Variants in RFWD3 observed in about 807,000 individuals in gnomAD.
The protein encoded by RFWD3 is E3 ubiquitin-protein ligase RFWD3.
Under a neutral mutation model 87.7 loss-of-function variants are expected in RFWD3, and 65 were observed. The observed-to-expected ratio is 0.74, with a 90% CI of 0.61 to 0.91. The LOEUF (loss-of-function observed/expected upper bound fraction) is 0.91, where lower values mean the gene tolerates loss of function less well. Among genes scored for constraint, RFWD3 ranks in the 40% least tolerant of loss-of-function variants. The probability of loss-of-function intolerance (pLI) is 0.00; values close to 1 mark genes in which losing one functional copy is unlikely to be tolerated. For synonymous variants in RFWD3, 433 were observed against 352.8 expected (o/e 1.23, Z -2.55); for missense variants, 1,078 against 938.5 (o/e 1.15, Z -1.94).
intron 2 of RFWD3, among the ~76,000 whole-genome samples, chr16:74,653,812 T>A (rs1048918440): frequency 1.3e-5 from 2 of 152,216 alleles, no homozygotes; most frequent in African/African-American, 4.8e-5. Flanking sequence ...TTGGCTGCAA[T>A]TTATTGATGA....
chr16:74,643,267 C>T (rs1406845794), intron 6 of RFWD3, among the ~76,000 whole-genome samples: 1 of 152,112 alleles, frequency 6.6e-6, no homozygotes, highest in Non-Finnish European at 1.5e-5. Flanking sequence ...AAGAGTGAGC[C>T]ACCGCACCAG....
chr16:74,642,969 T>C (rs1440460049), intron 6 of RFWD3, among the ~76,000 whole-genome samples: 1 of 152,206 alleles, frequency 6.6e-6, no homozygotes, highest in Non-Finnish European at 1.5e-5. Context: ...TTTTTAAATA[T>C]AATCACCCAT....
chr16:74,666,667 C>A (rs1961954722), intron 1 of RFWD3, 119 bp downstream of exon 1: 1 of 152,340 alleles, frequency 6.6e-6, no homozygotes, highest in African/African-American at 2.4e-5. Context: ...GGGTTCCAAG[C>A]CCGCGTGCAG....
In RFWD3 at chr16:74,636,518, T is replaced by G. The variant is rs763643624; in HGVS notation, c.1254A>C (p.Gln418His). ...AGGGTGAGCAGCTCAGGACCCATGCTTGGGAGCCCCTGGGTTGCTGTAAAT... is the reference window on the plus strand; with the variant it reads ...AGGGTGAGCAGCTCAGGACCCATGCGTGGGAGCCCCTGGGTTGCTGTAAAT... ...SQNLQQPRGS[Q>H]AWVLSCSPSS... Residue 418 changes from glutamine (Q) to histidine (H), a missense_variant, in exon 8 of 13, where the codon CAA (glutamine) becomes CAC (histidine). Coordinates refer to ENST00000361070, the MANE Select transcript of RFWD3 (RefSeq NM_018124.4). 1 of 1,614,068 alleles carries G rather than the reference T, an allele frequency of 6.2e-7. No individual in the cohort carries two copies. The highest frequency in any genetic ancestry group is 1.1e-5 in the South Asian group (1 of 91,066).
rs774255816 is a variant in RFWD3, at chr16:74,631,006, C to A, written c.1578-49G>T. The A allele has an allele frequency of 2.7e-6, 4 of 1,478,526 alleles. No individual in the cohort carries two copies. The South Asian group carries it at 4.9e-5, about 18-fold the overall frequency. 91.6% of individuals were successfully genotyped at this position (1,478,526 alleles called of 1,614,324 possible). On this transcript the variant is annotated intron_variant, in intron 9 of 12. Transcript: ENST00000361070. Reference sequence around the variant, plus strand: ...ACAACTGCATTAAGAAAATCAAATACATGACAAAGATGTAAAGATTATCAT... The same window carrying A: ...ACAACTGCATTAAGAAAATCAAATAAATGACAAAGATGTAAAGATTATCAT...
intron 2 of RFWD3, among the ~76,000 whole-genome samples, chr16:74,654,529 CCT>C (rs1158695519): frequency 6.6e-6 from 1 of 152,054 alleles, no homozygotes; most frequent in Admixed American, 6.6e-5. Flanking sequence ...TTCCTTATTC[CCT>C]GAGACAAAAC....
In RFWD3 at chr16:74,626,507, G is replaced by A. The variant is rs1459142609; in HGVS notation, c.2017C>T (p.Arg673Ter). The stretch of plus-strand genomic sequence containing the variant: ...ATTGGATTTCCAGTGTCATCCAGTC[G>A]GTAGGACATTTCCATCAGCACACTT... ...IRSVLMEMSYRLDDTGNPICS... is the reference protein window; with the variant it reads ...IRSVLMEMSY Residue 673 changes from arginine (R) to a stop codon, truncating the protein, a stop_gained, in exon 12 of 13, where the codon CGA (arginine) becomes TGA (stop). Transcript: ENST00000361070. LOFTEE classifies it high-confidence loss of function. 5.6e-6 allele frequency: 9 copies of A among 1,613,916 alleles called. No individual in the cohort carries two copies. The highest frequency in any genetic ancestry group is 2.2e-5 in the South Asian group (2 of 91,080).
chr16:74,633,279 G>GAAAAAA (rs59964330), intron 8 of RFWD3, among the ~76,000 whole-genome samples: 6 of 110,936 alleles, frequency 5.4e-5, no homozygotes, highest in East Asian at 2.4e-4. Context: ...CTCCGTCTCA[G>GAAAAAA]AAAAAAAAAA....
rs756889031 is a variant in RFWD3 at position 74,624,061 on chromosome 16, G to C, written c.2192C>G (p.Ala731Gly). Residue 731 changes from alanine (A) to glycine (G), a missense_variant, in exon 13 of 13, where the codon GCT (alanine) becomes GGT (glycine). By Grantham distance (60) the Ala-to-Gly change is moderately conservative. Transcript: ENST00000361070. ...EAANSALLWD[A>G]ASGSLLQDLQ... ...GTCCTGGAGCAACGAGCCACTGGCA[G>C]CATCCCACAGCTAAAGAACACAAGC... 108 of 1,613,736 alleles carry C rather than the reference G, an allele frequency of 6.7e-5. No homozygotes were observed. Among genetic ancestry groups the C allele is most frequent in the Non-Finnish European group, 8.8e-5 (104 of 1,179,928 alleles).
intron 7 of RFWD3, among the ~76,000 whole-genome samples, chr16:74,636,864 C>T (rs550623933): frequency 6.6e-6 from 1 of 151,894 alleles, no homozygotes; most frequent in African/African-American, 2.4e-5. Flanking sequence ...GCACCCACTA[C>T]CATGCCCGGC....
intron 3 of RFWD3, among the ~76,000 whole-genome samples, chr16:74,649,890 G>C (rs1960440290): frequency 6.6e-6 from 1 of 152,036 alleles, no homozygotes; most frequent in Non-Finnish European, 1.5e-5. Context: ...TCCTGGATTT[G>C]GCTGACTGCT....
chr16:74,627,602 G>A (rs963969868), intron 11 of RFWD3, among the ~76,000 whole-genome samples: 40 of 152,112 alleles, frequency 2.6e-4, no homozygotes, highest in Non-Finnish European at 4.1e-4. Flanking sequence ...TCCTAGTCAG[G>A]GCTCTTCTAG....
Position 74,661,155 on chromosome 16 carries a change from A to C in RFWD3, c.295T>G (p.Ser99Ala). ...TCAGATCCCTGCCTATGTTGTTCTG[A>C]AGTTCTTGGATTGATGTTCTCCACA... The part of the protein sequence containing the change: ...DTVENINPRT[S>A]EQHRQGSDGN... The change falls in exon 2 of 13, where the codon TCA becomes GCA. Residue 99 changes from serine to alanine, a missense_variant. Ser to Ala is a moderately conservative substitution (Grantham distance 99, BLOSUM62 1). Transcript: ENST00000361070. The C allele has an allele frequency of 6.2e-7, 1 of 1,614,174 alleles. No homozygotes were observed.
chr16:74,634,410 G>C (rs1439198352), intron 8 of RFWD3, among the ~76,000 whole-genome samples: 1 of 151,298 alleles, frequency 6.6e-6, no homozygotes, highest in Non-Finnish European at 1.5e-5. Flanking sequence ...TTTGAGACAA[G>C]GCCTCACTCT....
chr16:74,643,319 T>C (rs556063108), intron 6 of RFWD3, among the ~76,000 whole-genome samples: 7 of 152,316 alleles, frequency 4.6e-5, no homozygotes, highest in African/African-American at 1.4e-4. Flanking sequence ...ATCATACTAA[T>C]AACATGCTTC....
chr16:74,629,608 CAG>C (rs572856517), intron 10 of RFWD3, among the ~76,000 whole-genome samples: 119 of 151,554 alleles, frequency 7.9e-4, no homozygotes, highest in African/African-American at 2.8e-3. Flanking sequence ...GCCTGGGTGA[CAG>C]AGTGAGACAC....
intron 11 of RFWD3, among the ~76,000 whole-genome samples, chr16:74,626,977 T>C (rs1326074523): frequency 6.6e-6 from 1 of 152,146 alleles, no homozygotes; most frequent in Non-Finnish European, 1.5e-5. Context: ...AGCATGCTAT[T>C]ACAGAAAGGG....
Position 74,628,448 on chromosome 16 carries a change from T to C in RFWD3, c.1969+4A>G. The C allele has an allele frequency of 6.2e-7, 1 of 1,613,832 alleles. No homozygotes were observed. Among genetic ancestry groups the C allele is most frequent in the Non-Finnish European group, 8.5e-7 (1 of 1,179,800 alleles). On this transcript the variant is annotated splice_donor_region_variant and intron_variant, in intron 11 of 12. Transcript: ENST00000361070. ...AAGCTATGGGAGACCCCAGCACTAC[T>C]TACCAGGCCTGTAGGTCACAAGACA... is the stretch of plus-strand genomic sequence containing the variant.
At chr16:74,650,545 C>G (rs1960481716) in intron 3 of RFWD3, among the ~76,000 whole-genome samples, 1 of 152,062 alleles carries the variant, frequency 6.6e-6, no homozygotes, top group Non-Finnish European at 1.5e-5. Flanking sequence ...TAAAAGGAAT[C>G]CCATCAACCC....
Sources: allele counts gnomAD v4.1 joint callset (sites outside exome capture counted in the v4.1 genomes callset), GRCh38; gene constraint gnomAD v4.1.1; transcripts MANE v1.5; gene names NCBI Gene and HGNC (gene_info 2026-07-23, HGNC 2026-07-21).